CTNNA3: variants seen among roughly 807,000 people sequenced by gnomAD.
The protein encoded by CTNNA3 is catenin alpha 3, also known as catenin alpha-3.
A neutral mutation model predicts 95.7 loss-of-function variants in CTNNA3; 76 were observed. The observed-to-expected ratio is 0.79, with a 90% CI of 0.66 to 0.96. The LOEUF (loss-of-function observed/expected upper bound fraction) is 0.96, where lower values mean the gene tolerates loss of function less well. CTNNA3 is among the 40% of genes least tolerant of loss of function. The probability of loss-of-function intolerance (pLI) is 0.00; values close to 1 mark genes in which losing one functional copy is unlikely to be tolerated. For missense variants in CTNNA3, 1,191 were observed against 1,089.8 expected (o/e 1.09, Z -1.31); for synonymous variants, 431 against 374.4 (o/e 1.15, Z -1.74).
intron 7 of CTNNA3, among the ~76,000 whole-genome samples, chr10:67,033,802 ACT>A (rs1052735038): frequency 6.6e-6 from 1 of 151,948 alleles, no homozygotes; most frequent in African/African-American, 2.4e-5. Context: ...ACGAAGTCTC[ACT>A]CTGTCGCCCA....
chr10:67,339,310 C>G (rs1474251398), intron 5 of CTNNA3, among the ~76,000 whole-genome samples: 1 of 152,106 alleles, frequency 6.6e-6, no homozygotes, highest in East Asian at 1.9e-4. Context: ...ATAATCACAT[C>G]AAGTTTGGGC....
chr10:65,948,280 C>CAAA (rs56966630), intron 17 of CTNNA3, among the ~76,000 whole-genome samples: 19 of 97,688 alleles, frequency 1.9e-4, no homozygotes, highest in African/African-American at 7.8e-4. Context: ...GACTCCATCT[C>CAAA]AAAAAAAAAA....
At chr10:67,756,971 A>G (rs1246466866) in intron 1 of CTNNA3, among the ~76,000 whole-genome samples, 3 of 152,200 alleles carry the variant, frequency 2.0e-5, no homozygotes, top group Admixed American at 6.5e-5. Flanking sequence ...GTTTTTTTCT[A>G]TTTTTCAAAC....
intron 7 of CTNNA3, among the ~76,000 whole-genome samples, chr10:66,951,419 C>T (rs1172100244): frequency 6.6e-6 from 1 of 152,090 alleles, no homozygotes; most frequent in African/African-American, 2.4e-5. Context: ...CCCAGCCCAA[C>T]ACCATATCTT....
intron 3 of CTNNA3, among the ~76,000 whole-genome samples, chr10:67,599,352 C>T (rs1843012939): frequency 6.6e-6 from 1 of 152,096 alleles, no homozygotes; most frequent in Non-Finnish European, 1.5e-5. Context: ...AAGTATATAA[C>T]CAAAACTTAC....
intron 1 of CTNNA3, among the ~76,000 whole-genome samples, chr10:67,743,452 C>T (rs1046248334): frequency 4.0e-5 from 6 of 151,174 alleles, no homozygotes; most frequent in Admixed American, 6.6e-5. Flanking sequence ...AATTCAACAA[C>T]GCTTCATGCT....
At chr10:67,399,140 G>T (rs969549522) in intron 5 of CTNNA3, among the ~76,000 whole-genome samples, 4 of 152,058 alleles carry the variant, frequency 2.6e-5, no homozygotes, top group African/African-American at 9.7e-5. Context: ...GGGGGCAGAG[G>T]CAGAAGAGAT....
intron 15 of CTNNA3, among the ~76,000 whole-genome samples, chr10:65,997,489 C>T (rs183819464): frequency 6.6e-6 from 1 of 152,190 alleles, no homozygotes; most frequent in East Asian, 1.9e-4. Flanking sequence ...TCTTACCCCT[C>T]CCACCCTTTG....
At chr10:66,819,495 T>C (rs933574885) in intron 7 of CTNNA3, among the ~76,000 whole-genome samples, 1 of 151,896 alleles carries the variant, frequency 6.6e-6, no homozygotes, top group Admixed American at 6.6e-5. Flanking sequence ...ATACTGGACT[T>C]CATCAAAATG....
intron 7 of CTNNA3, among the ~76,000 whole-genome samples, chr10:66,782,942 T>A (rs924734307): frequency 6.6e-5 from 10 of 152,130 alleles, no homozygotes; most frequent in African/African-American, 1.2e-4. Context: ...CTGGTTGACC[T>A]TAACTAGGAT....
At chr10:66,481,260 C>T (rs1021482040) in intron 11 of CTNNA3, among the ~76,000 whole-genome samples, 8 of 152,002 alleles carry the variant, frequency 5.3e-5, no homozygotes, top group African/African-American at 1.9e-4. Context: ...ATACACTTTA[C>T]AGTTTTTTAA....
chr10:67,262,665 A>G (rs960618305), intron 5 of CTNNA3, among the ~76,000 whole-genome samples: 20 of 152,188 alleles, frequency 1.3e-4, no homozygotes, highest in African/African-American at 4.6e-4. Flanking sequence ...GTGATTTCAC[A>G]AAAGGCTGTC....
intron 11 of CTNNA3, among the ~76,000 whole-genome samples, chr10:66,423,531 C>T (rs577189092): frequency 2.6e-5 from 4 of 152,262 alleles, no homozygotes; most frequent in African/African-American, 9.6e-5. Context: ...CCACAAATGA[C>T]ATCTCGAACC....
chr10:67,408,424 T>C (rs1023528220), intron 5 of CTNNA3, among the ~76,000 whole-genome samples: 3 of 151,800 alleles, frequency 2.0e-5, no homozygotes, highest in Non-Finnish European at 4.4e-5. Flanking sequence ...AACCCAGAAA[T>C]AAGACTGCAC....
intron 11 of CTNNA3, among the ~76,000 whole-genome samples, chr10:66,438,455 G>A (rs577425319): frequency 1.3e-5 from 2 of 152,240 alleles, no homozygotes; most frequent in East Asian, 3.9e-4. Context: ...CACTTTGGTG[G>A]GCCCCACCCA....
intron 13 of CTNNA3, among the ~76,000 whole-genome samples, chr10:66,174,633 G>A (rs940186978): frequency 1.3e-5 from 2 of 151,894 alleles, no homozygotes; most frequent in Non-Finnish European, 2.9e-5. Flanking sequence ...TTTGCAGGAT[G>A]TGAAACCTGA....
intron 5 of CTNNA3, among the ~76,000 whole-genome samples, chr10:67,410,615 G>A (rs1845327142): frequency 6.8e-6 from 1 of 147,654 alleles, no homozygotes; most frequent in South Asian, 2.1e-4. Flanking sequence ...CCTTATGGAT[G>A]ATGCTTCCCC....
intron 7 of CTNNA3, chr10:67,176,865 T>C (rs757469123): frequency 6.5e-6 from 3 of 463,946 alleles, no homozygotes; most frequent in African/African-American, 2.0e-5. Context: ...GGGTGACCTC[T>C]AGAAACTGGA....
At chr10:66,903,018 C>T (rs1003647009) in intron 7 of CTNNA3, among the ~76,000 whole-genome samples, 9 of 152,148 alleles carry the variant, frequency 5.9e-5, no homozygotes, top group South Asian at 2.1e-4. Context: ...TCCTCCCTAA[C>T]CCATTTTATG....
Sources: gnomAD v4.1 joint callset for allele counts (sites outside exome capture counted in the v4.1 genomes callset) on GRCh38, gnomAD v4.1.1 for gene constraint, MANE v1.5 for transcripts, NCBI Gene and HGNC (gene_info 2026-07-23, HGNC 2026-07-21) for gene names.